The following ACAD11 variants were observed in gnomAD, a reference collection of about 807,000 sequenced individuals.
The protein encoded by ACAD11 is acyl-Coenzyme A dehydrogenase family, member 11.
In ACAD11, 83 loss-of-function variants were observed where a neutral mutation model predicts 102.2. That is an observed-to-expected ratio of 0.81 (90% CI 0.68 to 0.97). ACAD11 has a LOEUF of 0.97. Among genes scored for constraint, ACAD11 ranks in the 50% least tolerant of loss-of-function variants. The pLI is 0.00. For synonymous variants in ACAD11, 324 were observed against 319.8 expected (o/e 1.01, Z -0.14); for missense variants, 901 against 951.7 (o/e 0.95, Z 0.70).
chr3:132,610,428 C>T (rs1051139837), intron 11 of ACAD11, among the ~76,000 whole-genome samples: 1 of 152,100 alleles, frequency 6.6e-6, no homozygotes, highest in Non-Finnish European at 1.5e-5. Context: ...ACCAACGAAT[C>T]CAGGAGCTGG....
At chr3:132,619,822 A>G (rs1939544953) in intron 9 of ACAD11, among the ~76,000 whole-genome samples, 1 of 152,244 alleles carries the variant, frequency 6.6e-6, no homozygotes, top group African/African-American at 2.4e-5. Flanking sequence ...AAACTGCTCA[A>G]CTAAAAATGT....
Position 132,575,885 on chromosome 3 carries a change from G to GT in ACAD11, c.1887dup (p.Pro630ThrfsTer23), listed in dbSNP as rs1937516204. On this transcript the variant is annotated frameshift_variant, in exon 17 of 20. Transcript: ENST00000264990. LOFTEE classifies it high-confidence loss of function. The stretch of plus-strand genomic sequence containing the variant: ...CTCATACAGTGGTGGATTCTGCCAG[G>GT]TCCAAGGCGGCCTTGGGAAATTTCA... 1 of 1,613,878 alleles carries GT rather than the reference G, an allele frequency of 6.2e-7. No individual in the cohort carries two copies. The highest frequency in any genetic ancestry group is 1.1e-5 in the South Asian group (1 of 91,066).
chr3:132,632,854 TTCAC>T (rs1225863390), intron 5 of ACAD11, among the ~76,000 whole-genome samples: 1 of 152,160 alleles, frequency 6.6e-6, no homozygotes, highest in Admixed American at 6.5e-5. Context: ...TGAATGGGAG[TTCAC>T]TCATGATTTG....
chr3:132,634,673 T>C (rs943127679), intron 5 of ACAD11, among the ~76,000 whole-genome samples: 7 of 152,026 alleles, frequency 4.6e-5, no homozygotes, highest in African/African-American at 1.7e-4. Context: ...CCAATAATGA[T>C]AGACTGGATT....
intron 7 of ACAD11, among the ~76,000 whole-genome samples, chr3:132,628,985 C>A (rs1162860497): frequency 3.3e-5 from 5 of 152,114 alleles, no homozygotes; most frequent in Non-Finnish European, 7.4e-5. Context: ...CTTCCTCTTC[C>A]CTAAAAACAA....
chr3:132,569,699 G>C (rs1937324063), intron 17 of ACAD11, among the ~76,000 whole-genome samples: 1 of 152,124 alleles, frequency 6.6e-6, no homozygotes, highest in South Asian at 2.1e-4. Context: ...ATTATGTTGA[G>C]TGAAAACAGC....
At chr3:132,646,759 A>G (rs1371311657) in intron 1 of ACAD11, among the ~76,000 whole-genome samples, 2 of 152,252 alleles carry the variant, frequency 1.3e-5, no homozygotes, top group Non-Finnish European at 2.9e-5. Flanking sequence ...ATTGTTTGGC[A>G]ATATACAGGA....
chr3:132,624,154 A>C (rs1160190427), intron 9 of ACAD11, among the ~76,000 whole-genome samples: 1 of 151,468 alleles, frequency 6.6e-6, no homozygotes, highest in Non-Finnish European at 1.5e-5. Context: ...AAAAATGTAA[A>C]ATTTAGCCCG....
At chr3:132,567,099 C>G (rs1028708343) in intron 17 of ACAD11, among the ~76,000 whole-genome samples, 7 of 152,098 alleles carry the variant, frequency 4.6e-5, no homozygotes, top group South Asian at 2.1e-4. Flanking sequence ...GTGCCTCAGC[C>G]TCCCGAATAG....
intron 2 of ACAD11, 101 bp downstream of exon 2, chr3:132,644,696 T>C: frequency 2.1e-6 from 1 of 482,346 alleles, no homozygotes; most frequent in Non-Finnish European, 3.6e-6. Context: ...TTTATATTAT[T>C]TGGCAATCAT....
intron 13 of ACAD11, among the ~76,000 whole-genome samples, chr3:132,591,779 T>C (rs971535305): frequency 2.0e-5 from 3 of 152,096 alleles, no homozygotes; most frequent in African/African-American, 7.2e-5. Context: ...TAGTCCCAGC[T>C]ACTCGGGATG....
At position 132,639,420 on chromosome 3, in the gene ACAD11, G is replaced by T. The variant is rs1351237996; in HGVS notation, c.702+72C>A. On this transcript the variant is annotated intron_variant, in intron 5 of 19. Coordinates refer to ENST00000264990, the MANE Select transcript of ACAD11 (RefSeq NM_032169.5). ...TGGGTTGGGCTCCCTCAGTGCTCTGGGGGGAGCATTTACTTAGTACTGTGT... is the reference window on the plus strand; with the variant it reads ...TGGGTTGGGCTCCCTCAGTGCTCTGTGGGGAGCATTTACTTAGTACTGTGT... 22 of 1,448,538 alleles carry T rather than the reference G, an allele frequency of 1.5e-5. No individual in the cohort carries two copies. In the South Asian group the frequency reaches 2.1e-4, roughly 14 times the overall value. 89.7% of individuals were successfully genotyped at this position (1,448,538 alleles called of 1,614,324 possible). A position where few individuals can be genotyped will look rare whatever the true frequency, so the allele number is the denominator to read the frequency against.
intron 13 of ACAD11, 26 bp from the exon 14 acceptor site, chr3:132,579,584 A>G: frequency 6.2e-7 from 1 of 1,601,046 alleles, no homozygotes; most frequent in Non-Finnish European, 8.6e-7. Context: ...ACACAAGCAG[A>G]TTATAAAAGG....
rs1406465380 is a variant in ACAD11, at chr3:132,642,927, C to T, written c.250-125G>A. The T allele has an allele frequency of 3.2e-6, 3 of 924,804 alleles. No homozygotes were observed. In the East Asian group the frequency reaches 7.9e-5, roughly 24 times the overall value. 57.3% of individuals were successfully genotyped at this position (924,804 alleles called of 1,614,324 possible). A position where few individuals can be genotyped will look rare whatever the true frequency, so the allele number is the denominator to read the frequency against. ...TGTAAAACAGTATCAACACAAACTC[C>T]AGAGGATAATAGTAATAACTTCCCT... On this transcript the variant is annotated intron_variant, in intron 2 of 19. Coordinates refer to ENST00000264990, the MANE Select transcript of ACAD11 (RefSeq NM_032169.5).
chr3:132,622,209 T>C (rs568156533), intron 9 of ACAD11, among the ~76,000 whole-genome samples: 4 of 152,178 alleles, frequency 2.6e-5, no homozygotes, highest in Non-Finnish European at 5.9e-5. Flanking sequence ...TTTACACTCA[T>C]ATAACAATGT....
chr3:132,618,319 T>G, intron 11 of ACAD11: 1 of 294,408 alleles, frequency 3.4e-6, no homozygotes, highest in East Asian at 5.7e-5. Flanking sequence ...TTTGAAACTC[T>G]CTATCCATTC....
rs1378650489 is a variant in ACAD11 at position 132,642,543 on chromosome 3, C to T, written c.375+134G>A. Reference sequence around the variant, plus strand: ...CTCAAATTTGAACAAAATTGTAAACCTTTGCAATGCAATCTAATTACCTAA... The same window carrying T: ...CTCAAATTTGAACAAAATTGTAAACTTTTGCAATGCAATCTAATTACCTAA... On this transcript the variant is annotated intron_variant, in intron 3 of 19. Transcript: ENST00000264990. The T allele has an allele frequency of 3.9e-6, 4 of 1,032,132 alleles. No individual in the cohort carries two copies. The African/African-American group carries it at 4.9e-5, about 13-fold the overall frequency. The allele number at this position is 1,032,132 out of a possible 1,614,324, so 63.9% of individuals were successfully genotyped here. A position where few individuals can be genotyped will look rare whatever the true frequency, so the allele number is the denominator to read the frequency against.
intron 1 of ACAD11, among the ~76,000 whole-genome samples, chr3:132,651,193 C>T (rs968197369): frequency 5.9e-5 from 9 of 152,148 alleles, no homozygotes; most frequent in African/African-American, 2.2e-4. Context: ...GCTCTCCCTC[C>T]TGTGTAAATT....
chr3:132,631,982 T>C (rs1351988576), intron 5 of ACAD11, among the ~76,000 whole-genome samples: 2 of 152,166 alleles, frequency 1.3e-5, no homozygotes, highest in Non-Finnish European at 2.9e-5. Flanking sequence ...AATCCACCAT[T>C]ATATAGCAAC....
Sources: allele counts gnomAD v4.1 joint callset (sites outside exome capture counted in the v4.1 genomes callset), GRCh38; gene constraint gnomAD v4.1.1; transcripts MANE v1.5; gene names NCBI Gene and HGNC (gene_info 2026-07-23, HGNC 2026-07-21).